Variants in ZNF273 observed in about 807,000 individuals in gnomAD.
ZNF273 encodes zinc finger protein 273, also known as zinc finger protein 9.
A neutral mutation model predicts 14.9 loss-of-function variants in ZNF273; 11 were observed. The ratio of observed to expected loss-of-function variants is 0.74; its 90% CI spans 0.46 to 1.22. The LOEUF (loss-of-function observed/expected upper bound fraction) is 1.22. ZNF273 is among the 50% of genes most tolerant of loss of function. The pLI is 0.00. For synonymous variants in ZNF273, 199 were observed against 223.9 expected (o/e 0.89, Z 0.99); for missense variants, 577 against 660.6 (o/e 0.87, Z 1.39).
downstream of ZNF273, chr7:64,889,674 G>C: frequency 1.0e-6 from 1 of 985,890 alleles, no homozygotes; most frequent in Non-Finnish European, 1.2e-6. The surrounding 1 kb of genome is among the most constrained non-coding windows in gnomAD (Gnocchi z 4.2). Context: ...CCGTCGCCCT[G>C]GGGCCCCTCC....
intron 1 of ZNF273, among the ~76,000 whole-genome samples, chr7:64,910,986 A>G (rs1793472054): frequency 6.6e-6 from 1 of 151,820 alleles, no homozygotes; most frequent in Non-Finnish European, 1.5e-5. Flanking sequence ...GGTTGGTCTC[A>G]AACTCCTGAC....
chr7:64,908,017 TC>T (rs1793240318), intron 1 of ZNF273, among the ~76,000 whole-genome samples: 1 of 152,232 alleles, frequency 6.6e-6, no homozygotes, highest in African/African-American at 2.4e-5. Flanking sequence ...ACATTTTTGA[TC>T]CTGGTATTTT....
chr7:64,885,605 T>C (rs1191304958), intron 1 of ZNF273, among the ~76,000 whole-genome samples: 1 of 152,196 alleles, frequency 6.6e-6, no homozygotes, highest in Non-Finnish European at 1.5e-5. Context: ...CGCCCTGGGT[T>C]AATACTGAGA....
chr7:64,886,071 T>C (rs1791559392), intron 1 of ZNF273, among the ~76,000 whole-genome samples: 1 of 134,834 alleles, frequency 7.4e-6, no homozygotes, highest in Non-Finnish European at 1.6e-5. Context: ...GAAACCACAC[T>C]GATGCTGACT....
chr7:64,917,729 A>G (rs1268796615), intron 2 of ZNF273, 22 bp downstream of exon 2: 2 of 1,555,276 alleles, frequency 1.3e-6, no homozygotes, highest in Admixed American at 1.9e-5. Context: ...TTTAATACAT[A>G]ATTTAAAGGT....
intron 1 of ZNF273, among the ~76,000 whole-genome samples, chr7:64,885,201 CA>C (rs1208292403): frequency 6.6e-6 from 1 of 152,188 alleles, no homozygotes; most frequent in Non-Finnish European, 1.5e-5. Flanking sequence ...CAGGAGAAGG[CA>C]GGGATAAGCC....
At chr7:64,884,239 G>A (rs1260332896), downstream of ZNF273, among the ~76,000 whole-genome samples, 3 of 152,074 alleles carry the variant, frequency 2.0e-5, no homozygotes, top group African/African-American at 4.8e-5. Flanking sequence ...GTGGGTAGTC[G>A]TCTCATTTTG....
At chr7:64,912,153 G>A (rs1793561009) in intron 1 of ZNF273, among the ~76,000 whole-genome samples, 1 of 152,162 alleles carries the variant, frequency 6.6e-6, no homozygotes, top group Admixed American at 6.6e-5. Flanking sequence ...GAGTCGACGT[G>A]GTTTCACCAT....
At chr7:64,885,333 G>T (rs981976295) in intron 1 of ZNF273, among the ~76,000 whole-genome samples, 1 of 152,208 alleles carries the variant, frequency 6.6e-6, no homozygotes, top group African/African-American at 2.4e-5. Context: ...CAGGCCTTCT[G>T]TTAGGACAGA....
chr7:64,880,843 T>C, downstream of ZNF273, among the ~76,000 whole-genome samples: 1 of 152,134 alleles, frequency 6.6e-6, no homozygotes, highest in East Asian at 1.9e-4. Flanking sequence ...AGCAGTCCTG[T>C]GCCCAGGACT....
At position 64,929,838 on chromosome 7, in the gene ZNF273, T is replaced by C. The variant is rs1439599789; in HGVS notation, c.*800T>C. The C allele has an allele frequency of 1.3e-5, 2 of 153,112 alleles. No homozygotes were observed. Among genetic ancestry groups the C allele is most frequent in the Non-Finnish European group, 2.8e-5 (2 of 70,188 alleles). The allele number at this position is 153,112 out of a possible 1,614,324, so 9.5% of individuals were successfully genotyped here. ...CTCTCAAATTCATGGTTTTTTTTTT[T>C]TTGGTTTTGGTTTTGGGTTTTTTGT... On this transcript the variant is annotated 3_prime_UTR_variant, in exon 4 of 4. Transcript: ENST00000476120.
At chr7:64,931,870 A>T (rs77282237), downstream of ZNF273, among the ~76,000 whole-genome samples, 1,626 of 152,102 alleles carry the variant, frequency 0.011, 30 homozygotes, top group African/African-American at 0.035. Context: ...TGGAGAGGAC[A>T]TTTTTTTTCC....
chr7:64,894,738 T>C (rs1251947950), downstream of ZNF273, among the ~76,000 whole-genome samples: 1 of 152,212 alleles, frequency 6.6e-6, no homozygotes. Context: ...TTAGACAGTC[T>C]ATTTATATAA....
Position 64,917,574 on chromosome 7 carries a change from T to G in ZNF273, c.103-7T>G, listed in dbSNP as rs201727030. On this transcript the variant is annotated splice_region_variant and splice_polypyrimidine_tract_variant and intron_variant, in intron 1 of 3. Transcript: ENST00000476120. ...TAAATATGTTTTTGTGTGTGTGTGT[T>G]TTTCAGGGACCACTGACATTTAGGG... The G allele has an allele frequency of 1.3e-6, 2 of 1,592,604 alleles. No homozygotes were observed. The highest frequency in any genetic ancestry group is 3.4e-5 in the Admixed American group (2 of 59,374).
intron 1 of ZNF273, among the ~76,000 whole-genome samples, chr7:64,912,741 T>C (rs1336853601): frequency 6.6e-6 from 1 of 151,892 alleles, no homozygotes; most frequent in Non-Finnish European, 1.5e-5. Flanking sequence ...TATGTAGATA[T>C]TTTTCTGCTT....
rs1208140189 is a variant in ZNF273, at chr7:64,928,993, A to T, written c.1665A>T (p.Pro555=). The change falls in exon 4 of 4, where the codon CCA becomes CCT. Residue 555 remains proline (P), a synonymous_variant. Transcript: ENST00000476120. ...KRCDSAFDNT[P]NFSRHKRNHM... Reference sequence around the variant, plus strand: ...GTGACAGTGCTTTTGACAACACCCCAAACTTTTCTAGACATAAAAGAAATC... The same window carrying T: ...GTGACAGTGCTTTTGACAACACCCCTAACTTTTCTAGACATAAAAGAAATC... 2 of 1,576,726 alleles carry T rather than the reference A, an allele frequency of 1.3e-6. No homozygotes were observed. The highest frequency in any genetic ancestry group is 2.4e-5 in the South Asian group (2 of 83,968).
chr7:64,930,438 T>C lies in ZNF273; in HGVS notation c.*1400T>C, dbSNP rs540632336. 14 of 152,286 alleles carry C rather than the reference T, an allele frequency of 9.2e-5. 1 individual carries two copies. In the East Asian group the frequency reaches 2.5e-3, roughly 27 times the overall value. The allele number at this position is 152,286 out of a possible 1,614,324, so 9.4% of individuals were successfully genotyped here. On this transcript the variant is annotated 3_prime_UTR_variant, in exon 4 of 4. Coordinates refer to ENST00000476120, the MANE Select transcript of ZNF273 (RefSeq NM_021148.3). ...TTTTTAATATTAAAATTCAATTATA[T>C]CATTTTATGAATTGTGCTTTTCATA... is the stretch of plus-strand genomic sequence containing the variant.
downstream of ZNF273, among the ~76,000 whole-genome samples, chr7:64,935,650 G>C (rs1795053761): frequency 6.6e-6 from 1 of 151,986 alleles, no homozygotes; most frequent in African/African-American, 2.4e-5. Flanking sequence ...AGCCTCCCAA[G>C]TAACTGGGAT....
chr7:64,889,203 C>T (rs1462033241), downstream of ZNF273: 1 of 985,770 alleles, frequency 1.0e-6, no homozygotes, highest in African/African-American at 1.7e-5. The surrounding 1 kb of genome is among the most constrained non-coding windows in gnomAD (Gnocchi z 4.2). Flanking sequence ...GTCATGGGGT[C>T]ACCGGCTTGT....
Sources: allele counts gnomAD v4.1 joint callset (sites outside exome capture counted in the v4.1 genomes callset), GRCh38; gene constraint gnomAD v4.1.1; non-coding constraint Gnocchi (gnomAD v3.1); transcripts MANE v1.5; gene names NCBI Gene and HGNC (gene_info 2026-07-23, HGNC 2026-07-21).